AGBL1: variants seen among roughly 807,000 people sequenced by gnomAD.
AGBL1 encodes the protein AGBL carboxypeptidase 1, also known as cytosolic carboxypeptidase 4.
Under a neutral mutation model 118.9 loss-of-function variants are expected in AGBL1, and 130 were observed. The ratio of observed to expected loss-of-function variants is 1.09; its 90% CI spans 0.95 to 1.26. AGBL1 has a LOEUF of 1.26. AGBL1 is among the 50% of genes most tolerant of loss of function. The pLI is 0.00. For missense variants in AGBL1, 1,584 were observed against 1,298.1 expected (o/e 1.22, Z -3.38); for synonymous variants, 555 against 478.9 (o/e 1.16, Z -2.08).
chr15:86,208,814 T>A (rs927665168), intron 5 of AGBL1, among the ~76,000 whole-genome samples: 3 of 152,230 alleles, frequency 2.0e-5, no homozygotes, highest in African/African-American at 7.2e-5. Context: ...TGTGTCTCTA[T>A]CTCCTTCGGT....
chr15:86,468,387 G>C (rs2082433941), intron 18 of AGBL1, among the ~76,000 whole-genome samples: 1 of 152,130 alleles, frequency 6.6e-6, no homozygotes, highest in Non-Finnish European at 1.5e-5. Flanking sequence ...AGAGAATGAG[G>C]CTTGTTAAGC....
At chr15:86,266,330 G>A (rs777929396) in intron 11 of AGBL1, 44 bp from the exon 12 acceptor site, 1 of 1,460,744 alleles carries the variant, frequency 6.8e-7, no homozygotes, top group Admixed American at 2.0e-5. Context: ...GTGAGCTAGG[G>A]AGAGAAGGCC....
At chr15:86,712,277 T>C (rs1165382889) in intron 22 of AGBL1, among the ~76,000 whole-genome samples, 1 of 152,180 alleles carries the variant, frequency 6.6e-6, no homozygotes, top group Non-Finnish European at 1.5e-5. Context: ...AGCCTCGTTT[T>C]GTAAGTTTGT....
downstream of AGBL1, among the ~76,000 whole-genome samples, chr15:86,920,951 G>A (rs2080476411): frequency 6.6e-6 from 1 of 152,126 alleles, no homozygotes; most frequent in African/African-American, 2.4e-5. Flanking sequence ...TCCACTTTGA[G>A]GTTTTGCAAT....
At chr15:86,665,974 C>A (rs907133679) in intron 21 of AGBL1, among the ~76,000 whole-genome samples, 1 of 152,136 alleles carries the variant, frequency 6.6e-6, no homozygotes, top group East Asian at 1.9e-4. Flanking sequence ...ATTTCATCAT[C>A]ATCGCGTAGA....
intron 18 of AGBL1, among the ~76,000 whole-genome samples, chr15:86,407,645 A>G (rs2081549413): frequency 6.6e-6 from 1 of 152,328 alleles, no homozygotes; most frequent in African/African-American, 2.4e-5. Context: ...ACTTGTGCGC[A>G]TAACAATCAC....
rs192658178 is a variant in AGBL1, at chr15:86,673,338, A to G, written c.2995-935A>G. Among the ~76,000 whole-genome samples, 218 of 152,306 alleles carry G rather than the reference A, an allele frequency of 1.4e-3. 2 individuals are homozygous for G. The highest frequency in any genetic ancestry group is 5.0e-3 in the African/African-American group (206 of 41,588). On this transcript the variant is annotated intron_variant, in intron 21 of 22. Coordinates refer to ENST00000614907, the MANE Select transcript of AGBL1 (RefSeq NM_001386094.1). The stretch of plus-strand genomic sequence containing the variant: ...GAGTTCGCTGAGCCCAAGACCACAC[A>G]TTTAGAAACTAGTGAAACCAGATTC...
At chr15:86,618,996 G>C (rs1444939993) in intron 21 of AGBL1, among the ~76,000 whole-genome samples, 1 of 152,084 alleles carries the variant, frequency 6.6e-6, no homozygotes, top group African/African-American at 2.4e-5. Flanking sequence ...GGTTCTAAAA[G>C]ATTTTTAAAA....
intron 2 of AGBL1, among the ~76,000 whole-genome samples, chr15:86,142,909 A>C (rs1223666135): frequency 6.6e-6 from 1 of 152,232 alleles, no homozygotes; most frequent in African/African-American, 2.4e-5. Context: ...CCTCTTGCAG[A>C]GAATGCTACT....
chr15:86,848,028 G>C (rs1440771610), intron 22 of AGBL1, among the ~76,000 whole-genome samples: 1 of 152,048 alleles, frequency 6.6e-6, no homozygotes, highest in Non-Finnish European at 1.5e-5. Flanking sequence ...TGCTTAGTGT[G>C]GGGTGTTTTT....
intron 21 of AGBL1, among the ~76,000 whole-genome samples, chr15:86,609,716 A>G (rs2084631372): frequency 6.6e-6 from 1 of 152,202 alleles, no homozygotes; most frequent in African/African-American, 2.4e-5. Flanking sequence ...TACAATAGCC[A>G]GGTGAACAAT....
intron 21 of AGBL1, among the ~76,000 whole-genome samples, chr15:86,646,859 T>C (rs1272492930): frequency 2.6e-5 from 4 of 152,216 alleles, no homozygotes; most frequent in Non-Finnish European, 5.9e-5. Context: ...TCTTAAATTA[T>C]ATATGAAAAT....
At chr15:86,252,648 C>T (rs1174039847) in intron 7 of AGBL1, among the ~76,000 whole-genome samples, 1 of 152,150 alleles carries the variant, frequency 6.6e-6, no homozygotes, top group African/African-American at 2.4e-5. Flanking sequence ...TGAAGGCACC[C>T]ACATTTGAAT....
chr15:86,685,320 A>C lies in AGBL1; in HGVS notation c.3158+10884A>C, dbSNP rs569564143. Among the ~76,000 whole-genome samples, 13 of 152,310 alleles carry C rather than the reference A, an allele frequency of 8.5e-5. No individual in the cohort carries two copies. In the South Asian group the frequency reaches 2.5e-3, roughly 29 times the overall value. ...GTAAGCCAGAAAAATATCTTCGGTC[A>C]TGTGATAGCTCATCATAGACTTACT... On this transcript the variant is annotated intron_variant, in intron 22 of 22. Transcript: ENST00000614907.
At chr15:86,642,272 TC>T (rs2085204106) in intron 21 of AGBL1, among the ~76,000 whole-genome samples, 1 of 152,196 alleles carries the variant, frequency 6.6e-6, no homozygotes, top group Admixed American at 6.5e-5. Context: ...ATTTTAGCCT[TC>T]CTAAAGTGAA....
Position 87,026,620 on chromosome 15 carries a change from A to G in AGBL1, c.3324-2205A>G, listed in dbSNP as rs2081729225. On this transcript the variant is annotated intron_variant, in intron 24 of 24. Coordinates refer to the AGBL1 transcript ENST00000441037. ...TTAAAGAACTAAAAGAAGAGCTATC[A>G]TTTGATCCAGCAATCCCACTACTGA... Among the ~76,000 whole-genome samples, 2 of 152,146 alleles carry G rather than the reference A, an allele frequency of 1.3e-5. 1 individual carries two copies. Among genetic ancestry groups the G allele is most frequent in the South Asian group, 4.1e-4 (2 of 4,832 alleles).
At chr15:86,190,469 G>A (rs1470711828) in intron 5 of AGBL1, among the ~76,000 whole-genome samples, 1 of 152,090 alleles carries the variant, frequency 6.6e-6, no homozygotes, top group Admixed American at 6.6e-5. Context: ...GTAATAAAAT[G>A]TCTATAATTT....
chr15:86,973,922 T>A (rs532594297), intron 23 of AGBL1, among the ~76,000 whole-genome samples: 6 of 137,266 alleles, frequency 4.4e-5, no homozygotes, highest in Non-Finnish European at 6.5e-5. Flanking sequence ...ACATATTTAA[T>A]ATATTAAATA....
At chr15:86,496,744 GTACA>G (rs2142153013) in intron 18 of AGBL1, among the ~76,000 whole-genome samples, 1 of 151,830 alleles carries the variant, frequency 6.6e-6, no homozygotes, top group East Asian at 1.9e-4. Flanking sequence ...AAAATACAAT[GTACA>G]TACATACAAT....
Sources: gnomAD v4.1 joint callset for allele counts (sites outside exome capture counted in the v4.1 genomes callset) on GRCh38, gnomAD v4.1.1 for gene constraint, MANE v1.5 for transcripts, NCBI Gene and HGNC (gene_info 2026-07-23, HGNC 2026-07-21) for gene names.